Variants in DUSP26 observed in about 807,000 individuals in gnomAD.
The protein encoded by DUSP26 is dual specificity protein phosphatase 26.
In DUSP26, 12 loss-of-function variants were observed where a neutral mutation model predicts 20.0. The observed-to-expected ratio is 0.60, with a 90% CI of 0.38 to 0.97. The LOEUF (loss-of-function observed/expected upper bound fraction) is 0.97, where lower values mean the gene tolerates loss of function less well. DUSP26 is among the 50% of genes least tolerant of loss of function. DUSP26 has a pLI of 0.00. For missense variants in DUSP26, 230 were observed against 294.0 expected (o/e 0.78, Z 1.59); for synonymous variants, 120 against 118.8 (o/e 1.01, Z -0.06).
In DUSP26 at chr8:33,591,838, C is replaced by T. The variant is rs937084147; in HGVS notation, c.*175G>A. On this transcript the variant is annotated 3_prime_UTR_variant, in exon 4 of 4. Coordinates refer to ENST00000256261, the MANE Select transcript of DUSP26 (RefSeq NM_024025.3). ...GTGCCCATCCACCACACTGCCCAAC[C>T]TCACTCCCCGTCCCCTCCCACAAAG... 1.4e-6 allele frequency: 1 copy of T among 732,704 alleles called. No homozygotes were observed. The highest frequency in any genetic ancestry group is 2.2e-6 in the Non-Finnish European group (1 of 460,178). The allele number at this position is 732,704 out of a possible 1,614,324, so 45.4% of individuals were successfully genotyped here.
Position 33,597,412 on chromosome 8 carries a change from A to T in DUSP26, c.104T>A (p.Met35Lys). Residue 35 changes from methionine to lysine, a missense_variant, in exon 2 of 4, where the codon ATG (methionine) becomes AAG (lysine). By Grantham distance (95) the Met-to-Lys change is moderately conservative (BLOSUM62 -1). Transcript: ENST00000256261. The stretch of plus-strand genomic sequence containing the variant: ...GAGGAAAGGATGTTGAACGGTTGGC[A>T]TCTCCTCCAGGGTCCCTCGAGTTCG... ...PVRTRGTLEE[M>K]PTVQHPFLNV... 6.2e-7 allele frequency: 1 copy of T among 1,614,158 alleles called. No homozygotes were observed. Among genetic ancestry groups the T allele is most frequent in the Non-Finnish European group, 8.5e-7 (1 of 1,180,048 alleles).
intron 1 of DUSP26, among the ~76,000 whole-genome samples, chr8:33,598,297 G>A (rs1319683135): frequency 6.6e-6 from 1 of 152,114 alleles, no homozygotes; most frequent in Non-Finnish European, 1.5e-5. Context: ...TGCACAACAG[G>A]CAAACCACCC....
chr8:33,597,625 T>G, intron 1 of DUSP26, 34 bp from the exon 2 acceptor site: 1 of 908,560 alleles, frequency 1.1e-6, no homozygotes, highest in East Asian at 2.6e-5. Context: ...CACACTTGAG[T>G]GAGTCCAGAG....
chr8:33,599,277 G>C (rs1007763972), intron 1 of DUSP26, among the ~76,000 whole-genome samples: 2 of 152,112 alleles, frequency 1.3e-5, no homozygotes, highest in African/African-American at 2.4e-5. Flanking sequence ...TGATGAATGG[G>C]ATGGGGGAAG....
intron 2 of DUSP26, 108 bp from the exon 3 acceptor site, chr8:33,593,855 G>A (rs1811082384): frequency 3.2e-6 from 4 of 1,268,376 alleles, no homozygotes; most frequent in African/African-American, 3.0e-5. Flanking sequence ...ATTTTTTTTT[G>A]AGATGGAGTC....
chr8:33,592,874 A>AATAT (rs199768340), intron 3 of DUSP26, among the ~76,000 whole-genome samples: 1 of 152,006 alleles, frequency 6.6e-6, no homozygotes, highest in African/African-American at 2.4e-5. Context: ...TCAACCATTG[A>AATAT]ATATATATAT....
intron 1 of DUSP26, chr8:33,597,843 G>A (rs916839279): frequency 2.6e-5 from 6 of 233,814 alleles, no homozygotes; most frequent in African/African-American, 1.3e-4. Flanking sequence ...CAGCTGCTAG[G>A]TTTCAGCTTC....
chr8:33,598,965 A>G (rs1272996736), intron 1 of DUSP26, among the ~76,000 whole-genome samples: 3 of 152,216 alleles, frequency 2.0e-5, no homozygotes, highest in African/African-American at 7.2e-5. Context: ...CCCTTGCTCC[A>G]GTGCCAAGAG....
rs1811037131 is a variant in DUSP26, at chr8:33,592,191, G to A, written c.458C>T (p.Ala153Val). The A allele has an allele frequency of 1.9e-6, 3 of 1,611,388 alleles. No homozygotes were observed. The highest frequency in any genetic ancestry group is 1.3e-5 in the African/African-American group (1 of 74,828). The change falls in exon 4 of 4, where the codon GCT (alanine) becomes GTT (valine). Residue 153 changes from alanine to valine, a missense_variant. Coordinates refer to ENST00000256261, the MANE Select transcript of DUSP26 (RefSeq NM_024025.3). ...GGTGGCGGATCGGCTCACGCCCACA[G>A]CACAATGCACCAGGATCTTCCCTGA... The part of the protein sequence containing the change: ...QPGGKILVHC[A>V]VGVSRSATLV...
rs778057758 is a variant in DUSP26, at chr8:33,595,444, C to T, written c.222-1697G>A. 4.0e-5 allele frequency among the ~76,000 whole-genome samples: 6 copies of T among 151,112 alleles called. No homozygotes were observed. In the East Asian group the frequency reaches 7.8e-4, roughly 20 times the overall value. ...GCTGGAGTGCTAGAGTGCAGTGGCG[C>T]GATCTCGGCTCACTGCCACCTCTGC... On this transcript the variant is annotated intron_variant, in intron 2 of 3. Transcript: ENST00000256261.
Position 33,593,633 on chromosome 8 carries a change from G to T in DUSP26, c.336C>A (p.Arg112=), listed in dbSNP as rs763915925. The T allele has an allele frequency of 6.2e-7, 1 of 1,614,218 alleles. No individual in the cohort carries two copies. Among genetic ancestry groups the T allele is most frequent in the Non-Finnish European group, 8.5e-7 (1 of 1,180,046 alleles). The change falls in exon 3 of 4, where the codon CGC becomes CGA. Residue 112 remains arginine, a synonymous_variant. Coordinates refer to ENST00000256261, the MANE Select transcript of DUSP26 (RefSeq NM_024025.3). The part of the protein sequence containing the change: ...TPEAYEGLGI[R]YLGVEAHDSP... ...AGTCGTGGGCCTCAACACCCAGGTA[G>T]CGGATGCCCAGCCCCTCATAGGCCT... is the stretch of plus-strand genomic sequence containing the variant.
At chr8:33,595,086 G>A (rs980431375) in intron 2 of DUSP26, among the ~76,000 whole-genome samples, 6 of 152,162 alleles carry the variant, frequency 3.9e-5, no homozygotes, top group Non-Finnish European at 5.9e-5. Context: ...GGAAAGGGTG[G>A]AGAACCTCGA....
intron 2 of DUSP26, among the ~76,000 whole-genome samples, chr8:33,595,594 TG>T (rs1443523967): frequency 6.6e-6 from 1 of 151,860 alleles, no homozygotes; most frequent in Non-Finnish European, 1.5e-5. Context: ...TTGGCCAGGC[TG>T]GTCTTGAACT....
intron 1 of DUSP26, among the ~76,000 whole-genome samples, chr8:33,598,196 G>A (rs75488061): frequency 0.026 from 3,888 of 152,118 alleles, 185 homozygotes; most frequent in African/African-American, 0.085. Flanking sequence ...GATGGGGTGA[G>A]TGGAGAATAG....
chr8:33,591,988 T>C lies in DUSP26; in HGVS notation c.*25A>G. 6.2e-7 allele frequency: 1 copy of C among 1,610,812 alleles called. No individual in the cohort carries two copies. On this transcript the variant is annotated 3_prime_UTR_variant, in exon 4 of 4. Coordinates refer to ENST00000256261, the MANE Select transcript of DUSP26 (RefSeq NM_024025.3). ...GGAGCCAGGGACCTACCCACGGGCC[T>C]GGCCTGACCTCTCTCCCCCTCCCCT... is the stretch of plus-strand genomic sequence containing the variant.
intron 2 of DUSP26, 24 bp downstream of exon 2, chr8:33,597,271 G>A: frequency 3.8e-6 from 6 of 1,590,112 alleles, no homozygotes; most frequent in Non-Finnish European, 5.1e-6. Context: ...GCTCTACCGT[G>A]GGCCCAGTCT....
intron 3 of DUSP26, among the ~76,000 whole-genome samples, 186 bp downstream of exon 3, chr8:33,593,347 G>T (rs956510035): frequency 1.3e-5 from 2 of 152,078 alleles, no homozygotes; most frequent in African/African-American, 4.8e-5. Flanking sequence ...TAACATTTTT[G>T]ATAATTTCCT....
At chr8:33,598,230 G>T (rs1161856821) in intron 1 of DUSP26, among the ~76,000 whole-genome samples, 8 of 152,186 alleles carry the variant, frequency 5.3e-5, no homozygotes, top group African/African-American at 1.4e-4. Context: ...GAGTAAGTTT[G>T]CAAAAAATAA....
chr8:33,595,443 G>A (rs1176365768), intron 2 of DUSP26, among the ~76,000 whole-genome samples: 4 of 151,132 alleles, frequency 2.6e-5, no homozygotes, highest in Admixed American at 6.6e-5. Flanking sequence ...GTGCAGTGGC[G>A]CGATCTCGGC....
Sources: gnomAD v4.1 joint callset for allele counts (sites outside exome capture counted in the v4.1 genomes callset) on GRCh38, gnomAD v4.1.1 for gene constraint, MANE v1.5 for transcripts, NCBI Gene and HGNC (gene_info 2026-07-23, HGNC 2026-07-21) for gene names.